The following FBXL7 variants were observed in gnomAD, a reference collection of about 807,000 sequenced individuals.
FBXL7 encodes the protein F-box and leucine rich repeat protein 7.
FBXL7 carries 12 observed loss-of-function variants against 38.3 expected under a neutral mutation model. The ratio of observed to expected loss-of-function variants is 0.31; its 90% CI spans 0.20 to 0.51. The LOEUF (loss-of-function observed/expected upper bound fraction) is 0.51. Ranked by LOEUF, FBXL7 falls within the 20% of genes least tolerant of loss-of-function variation. The pLI is 0.98. For synonymous variants in FBXL7, 297 were observed against 300.9 expected (o/e 0.99, Z 0.13); for missense variants, 567 against 676.4 (o/e 0.84, Z 1.79).
chr5:15,662,904 C>A (rs1458155590), intron 2 of FBXL7, among the ~76,000 whole-genome samples: 2 of 152,106 alleles, frequency 1.3e-5, no homozygotes, highest in Non-Finnish European at 2.9e-5. Flanking sequence ...TTACTGTAAT[C>A]CTGTAGTATA....
intron 2 of FBXL7, among the ~76,000 whole-genome samples, chr5:15,680,976 A>G (rs1742827609): frequency 6.6e-6 from 1 of 152,190 alleles, no homozygotes; most frequent in Non-Finnish European, 1.5e-5. Context: ...CAAAATGATG[A>G]CTATCTTTTT....
At chr5:15,793,242 G>T (rs1737323513) in intron 2 of FBXL7, among the ~76,000 whole-genome samples, 1 of 152,120 alleles carries the variant, frequency 6.6e-6, no homozygotes, top group Non-Finnish European at 1.5e-5. Context: ...AACAACAGAA[G>T]TTTATTCTTT....
rs1269356403 is a variant in FBXL7, at chr5:15,667,642, T to G, written c.127+51570T>G. ...GCAGGCCCAGCAGTATAGCTGCTAA[T>G]TCTACTTTGACATAACACACATCCT... On this transcript the variant is annotated intron_variant, in intron 2 of 3. Transcript: ENST00000504595. 2.6e-5 allele frequency among the ~76,000 whole-genome samples: 4 copies of G among 152,186 alleles called. 1 individual carries two copies. The highest frequency in any genetic ancestry group is 1.3e-4 in the Admixed American group (2 of 15,266).
chr5:15,669,249 A>G (rs1001819250), intron 2 of FBXL7, among the ~76,000 whole-genome samples: 3 of 152,208 alleles, frequency 2.0e-5, no homozygotes, highest in African/African-American at 7.2e-5. Flanking sequence ...TTATTGAGGT[A>G]TGATTGACCT....
At chr5:15,842,566 G>T (rs1414677598) in intron 2 of FBXL7, among the ~76,000 whole-genome samples, 3 of 152,102 alleles carry the variant, frequency 2.0e-5, no homozygotes, top group Non-Finnish European at 2.9e-5. Context: ...AGGGTCCCAG[G>T]GTGTAATGAT....
At chr5:15,541,837 G>T (rs995104478) in intron 1 of FBXL7, among the ~76,000 whole-genome samples, 4 of 151,874 alleles carry the variant, frequency 2.6e-5, no homozygotes, top group African/African-American at 9.7e-5. Context: ...GAGCCACCAT[G>T]CCTGGCTCCC....
intron 2 of FBXL7, among the ~76,000 whole-genome samples, chr5:15,864,902 G>A (rs1739638583): frequency 6.6e-6 from 1 of 152,164 alleles, no homozygotes; most frequent in African/African-American, 2.4e-5. Context: ...ACTTAAGATG[G>A]AGTCTATTGG....
chr5:15,556,762 T>A (rs1162192433), intron 1 of FBXL7, among the ~76,000 whole-genome samples: 1 of 152,140 alleles, frequency 6.6e-6, no homozygotes, highest in Non-Finnish European at 1.5e-5. Context: ...AATATTGGCG[T>A]TTTTTGACTG....
intron 1 of FBXL7, among the ~76,000 whole-genome samples, chr5:15,570,404 G>A (rs7725209): frequency 5.6e-4 from 85 of 152,110 alleles, no homozygotes; most frequent in African/African-American, 1.9e-3. Context: ...TTCTCTGATC[G>A]TAGTTTGTAT....
chr5:15,767,209 G>T (rs74489521), intron 2 of FBXL7, among the ~76,000 whole-genome samples: 1 of 151,678 alleles, frequency 6.6e-6, no homozygotes, highest in East Asian at 1.9e-4. Flanking sequence ...GCCCCCATGT[G>T]TCCATGCATT....
At chr5:15,623,969 G>A (rs931094125) in intron 2 of FBXL7, among the ~76,000 whole-genome samples, 3 of 152,264 alleles carry the variant, frequency 2.0e-5, no homozygotes, top group African/African-American at 7.2e-5. Context: ...GACATAAGAT[G>A]TGTACTTAAT....
chr5:15,882,905 A>AT (rs1453299143), intron 2 of FBXL7, among the ~76,000 whole-genome samples: 2 of 151,762 alleles, frequency 1.3e-5, no homozygotes, highest in Non-Finnish European at 2.9e-5. Flanking sequence ...ATATAAGAGT[A>AT]TTTTTTCATT....
At chr5:15,508,807 A>G (rs1201911419) in intron 1 of FBXL7, among the ~76,000 whole-genome samples, 1 of 152,190 alleles carries the variant, frequency 6.6e-6, no homozygotes, top group East Asian at 1.9e-4. Flanking sequence ...ATACGTGTTT[A>G]TATCTATCTA....
chr5:15,936,369 C>A lies in FBXL7; in HGVS notation c.740-81C>A. 6.6e-7 allele frequency: 1 copy of A among 1,514,972 alleles called. No homozygotes were observed. Among genetic ancestry groups the A allele is most frequent in the South Asian group, 1.3e-5 (1 of 77,876 alleles). The allele number at this position is 1,514,972 out of a possible 1,614,324, so 93.8% of individuals were successfully genotyped here. A position where few individuals can be genotyped will look rare whatever the true frequency, so the allele number is the denominator to read the frequency against. ...CTCGGACCCAGACTTGGGCGAGGGT[C>A]AGGAATGCCCCAGGGCATCCCCAGG... On this transcript the variant is annotated intron_variant, in intron 3 of 3. Transcript: ENST00000504595. The surrounding 1 kb of genome is among the most constrained non-coding windows in gnomAD (Gnocchi z 6.0).
intron 2 of FBXL7, among the ~76,000 whole-genome samples, chr5:15,843,570 C>T (rs1043307708): frequency 3.3e-5 from 5 of 152,052 alleles, no homozygotes; most frequent in Non-Finnish European, 5.9e-5. Flanking sequence ...GTTCAGAAGA[C>T]GAATAATAAA....
At chr5:15,614,652 C>A (rs1165503322) in intron 1 of FBXL7, among the ~76,000 whole-genome samples, 2 of 152,200 alleles carry the variant, frequency 1.3e-5, no homozygotes, top group African/African-American at 4.8e-5. Flanking sequence ...TCCACAGTTT[C>A]CTGGAATCAG....
chr5:15,927,509 C>A (rs1785149246), intron 2 of FBXL7, among the ~76,000 whole-genome samples: 1 of 152,148 alleles, frequency 6.6e-6, no homozygotes, highest in Non-Finnish European at 1.5e-5. Context: ...CGCTGGCTCA[C>A]ACCTGTAATA....
intron 2 of FBXL7, among the ~76,000 whole-genome samples, chr5:15,696,877 C>T (rs1743355362): frequency 6.6e-6 from 1 of 152,176 alleles, no homozygotes; most frequent in African/African-American, 2.4e-5. Context: ...CAGGCCTTTC[C>T]TCACACCCTG....
intron 1 of FBXL7, among the ~76,000 whole-genome samples, chr5:15,549,626 T>G (rs369368795): frequency 6.6e-6 from 1 of 152,190 alleles, no homozygotes; most frequent in Non-Finnish European, 1.5e-5. Context: ...TTACAAGCAA[T>G]TGTAGTCAAT....
Sources: gnomAD v4.1 joint callset for allele counts (sites outside exome capture counted in the v4.1 genomes callset) on GRCh38, gnomAD v4.1.1 for gene constraint, Gnocchi (gnomAD v3.1) non-coding constraint, MANE v1.5 for transcripts, NCBI Gene and HGNC (gene_info 2026-07-23, HGNC 2026-07-21) for gene names.